The following THOC2 variants were observed in gnomAD, a reference collection of about 807,000 sequenced individuals.
THOC2 encodes THO complex 2.
THOC2 carries 10 observed loss-of-function variants against 128.4 expected under a neutral mutation model. The ratio of observed to expected loss-of-function variants is 0.08; its 90% CI spans 0.05 to 0.13. The LOEUF (loss-of-function observed/expected upper bound fraction) is 0.13. Among genes scored for constraint, THOC2 ranks in the 10% least tolerant of loss-of-function variants. The probability of loss-of-function intolerance (pLI) is 1.00; values close to 1 mark genes in which losing one functional copy is unlikely to be tolerated. For synonymous variants in THOC2, 393 were observed against 396.9 expected (o/e 0.99, Z 0.12); for missense variants, 535 against 1,155.7 (o/e 0.46, Z 7.79).
At chrX:123,609,438 C>T (rs1220211883) in intron 38 of THOC2, among the ~76,000 whole-genome samples, 1 of 111,887 alleles carries the variant, frequency 8.9e-6, no homozygotes, top group Non-Finnish European at 1.9e-5. Flanking sequence ...TATAAGGCAA[C>T]CTCTCGAATC....
At chrX:123,627,542 C>A in intron 23 of THOC2, 151 bp downstream of exon 23, 1 of 571,713 alleles carries the variant, frequency 1.7e-6, no homozygotes, top group Non-Finnish European at 2.7e-6. Flanking sequence ...TGGCCCCCCA[C>A]TCAGAAGTAA....
intron 15 of THOC2, among the ~76,000 whole-genome samples, chrX:123,642,480 T>C (rs1408867674): frequency 1.8e-5 from 2 of 109,809 alleles, no homozygotes; most frequent in Non-Finnish European, 3.8e-5. Context: ...AGAGTAACAG[T>C]TCCTGCTCTC....
chrX:123,684,443 G>A (rs1764812659), intron 8 of THOC2, among the ~76,000 whole-genome samples: 1 of 111,763 alleles, frequency 8.9e-6, no homozygotes, highest in Admixed American at 9.5e-5. Context: ...GAGTGCAGTG[G>A]CATGATCTCG....
chrX:123,627,466 G>A (rs2047310331), intron 23 of THOC2, among the ~76,000 whole-genome samples: 1 of 111,495 alleles, frequency 9.0e-6, no homozygotes, highest in African/African-American at 3.3e-5. Flanking sequence ...TAGCATAGTC[G>A]TCAGTAGAAA....
At chrX:123,615,550 CTTAACA>C (rs1306382414) in intron 33 of THOC2, among the ~76,000 whole-genome samples, 1 of 108,685 alleles carries the variant, frequency 9.2e-6, no homozygotes, top group Admixed American at 9.9e-5. Context: ...TTATTCATAT[CTTAACA>C]TTATTTATGA....
chrX:123,621,608 A>AT (rs1364069090), intron 30 of THOC2, 21 bp from the exon 31 acceptor site: 1 of 1,013,539 alleles, frequency 9.9e-7, no homozygotes. Context: ...AAAACATGGG[A>AT]TTTTAACACA....
chrX:123,725,662 C>T (rs1010221405), intron 1 of THOC2, among the ~76,000 whole-genome samples: 7 of 100,049 alleles, frequency 7.0e-5, no homozygotes, highest in Non-Finnish European at 1.2e-4. Context: ...TCTAATTTCA[C>T]AAAATACGTT....
intron 15 of THOC2, among the ~76,000 whole-genome samples, chrX:123,643,035 A>C (rs1047096515): frequency 3.6e-5 from 4 of 111,999 alleles, no homozygotes; most frequent in Admixed American, 9.5e-5. Flanking sequence ...TGTGTCTGGC[A>C]GTTTATGCTA....
intron 24 of THOC2, 70 bp downstream of exon 24, chrX:123,626,451 C>G (rs1186699441): frequency 1.4e-5 from 15 of 1,035,139 alleles, no homozygotes; most frequent in Non-Finnish European, 1.8e-5. Context: ...ACTTTAACAC[C>G]TCTAAAGTTA....
intron 1 of THOC2, among the ~76,000 whole-genome samples, chrX:123,731,142 C>G (rs953175331): frequency 6.2e-5 from 7 of 112,034 alleles, no homozygotes; most frequent in African/African-American, 2.3e-4. Flanking sequence ...TCCCATCTTG[C>G]CTTCCCCAAA....
Position 123,623,813 on chromosome X carries a change from C to T in THOC2, c.3477G>A (p.Arg1159=). The T allele has an allele frequency of 8.3e-7, 1 of 1,209,069 alleles. No homozygotes were observed. Among genetic ancestry groups the T allele is most frequent in the Non-Finnish European group, 1.1e-6 (1 of 894,517 alleles). ...HKICQEEKEK[R]PDLYALAMGY... ...CCATAGCCAATGCATATAGATCTGG[C>T]CTCTTCTCTTTTTCTTCTTGGCAGA... The change falls in exon 28 of 39, where the codon AGG becomes AGA. Residue 1159 remains arginine (R), a synonymous_variant. Coordinates refer to ENST00000245838, the MANE Select transcript of THOC2 (RefSeq NM_001081550.2).
chrX:123,703,021 T>G (rs919157875), intron 4 of THOC2, among the ~76,000 whole-genome samples: 1 of 111,677 alleles, frequency 9.0e-6, no homozygotes, highest in African/African-American at 3.2e-5. Context: ...ACAAAAGTAC[T>G]TTTGATTACT....
chrX:123,722,336 G>A (rs1360880865), intron 1 of THOC2, among the ~76,000 whole-genome samples: 3 of 111,990 alleles, frequency 2.7e-5, no homozygotes, highest in African/African-American at 9.7e-5. Flanking sequence ...ATCAATGATA[G>A]ACTGGATAAA....
rs2047175957 is a variant in THOC2, at chrX:123,624,045, C to A, written c.3318+15G>T. 1 of 1,179,071 alleles carries A rather than the reference C, an allele frequency of 8.5e-7. No individual in the cohort carries two copies. The highest frequency in any genetic ancestry group is 2.7e-5 in the Admixed American group (1 of 37,306). ...GAGAAAAATTTGCCTTTGAAAAATC[C>A]AATTTTTTTTTTACCTTGGTTAGTT... On this transcript the variant is annotated intron_variant, in intron 27 of 38. Coordinates refer to ENST00000245838, the MANE Select transcript of THOC2 (RefSeq NM_001081550.2).
chrX:123,715,554 G>C (rs2051370696), intron 1 of THOC2, among the ~76,000 whole-genome samples: 1 of 109,187 alleles, frequency 9.2e-6, no homozygotes, highest in African/African-American at 3.3e-5. Flanking sequence ...GGCTGAGGCG[G>C]GCAGATAGCT....
intron 12 of THOC2, among the ~76,000 whole-genome samples, chrX:123,650,745 CAAG>C (rs1164877651): frequency 8.9e-6 from 1 of 112,104 alleles, no homozygotes; most frequent in East Asian, 2.8e-4. Context: ...ATCAACGTAA[CAAG>C]AAGAGCTAAC....
chrX:123,640,700 G>T, intron 15 of THOC2, 78 bp from the exon 16 acceptor site: 1 of 555,673 alleles, frequency 1.8e-6, no homozygotes, highest in Non-Finnish European at 2.8e-6. Flanking sequence ...TTACATCATC[G>T]TGGGGGAAAA....
At chrX:123,619,364 G>T in intron 33 of THOC2, 37 bp downstream of exon 33, 1 of 893,255 alleles carries the variant, frequency 1.1e-6, no homozygotes, top group Non-Finnish European at 1.6e-6. Context: ...AAGAACATTT[G>T]GTTTACTTAG....
At chrX:123,706,373 CT>C (rs202083719) in intron 3 of THOC2, among the ~76,000 whole-genome samples, 3,622 of 109,456 alleles carry the variant, frequency 0.033, 136 homozygotes, top group East Asian at 0.3. Context: ...TTAATTTCTT[CT>C]TTTTTTTTAA....
Sources: allele counts gnomAD v4.1 joint callset (sites outside exome capture counted in the v4.1 genomes callset), GRCh38; gene constraint gnomAD v4.1.1; transcripts MANE v1.5; gene names NCBI Gene and HGNC (gene_info 2026-07-23, HGNC 2026-07-21).